Variants in RSRC1 observed in about 807,000 individuals in gnomAD.
The protein encoded by RSRC1 is arginine and serine rich coiled-coil 1.
RSRC1 carries 39 observed loss-of-function variants against 49.1 expected under a neutral mutation model. The observed-to-expected ratio is 0.79, with a 90% CI of 0.61 to 1.04. The LOEUF is 1.04. RSRC1 is among the 50% of genes least tolerant of loss of function. The pLI, the probability that RSRC1 is intolerant of heterozygous loss-of-function variation, is 0.00. For synonymous variants in RSRC1, 143 were observed against 130.8 expected, an observed-to-expected ratio of 1.09 and a Z score of -0.63; for missense variants, 388 against 402.4, an observed-to-expected ratio of 0.96 and a Z score of 0.31.
rs138336070 is a variant in RSRC1 at position 158,289,924 on chromosome 3, TATCC to T, written c.495-8081_495-8078del. ...AAATTTATCTGTCTTTCTATCTTTC[TATCC>T]ATCCATCCATCCATCCATCCATCCA... is the stretch of plus-strand genomic sequence containing the variant. On this transcript the variant is annotated intron_variant, in intron 4 of 9. Coordinates refer to ENST00000611884, the MANE Select transcript of RSRC1 (RefSeq NM_001271838.2). Among the ~76,000 whole-genome samples, 387 of 149,894 alleles carry T rather than the reference TATCC, an allele frequency of 2.6e-3. 4 individuals carry two copies. The East Asian group carries it at 0.032, about 12-fold the overall frequency.
chr3:158,441,272 A>G (rs1736365843), intron 6 of RSRC1, among the ~76,000 whole-genome samples: 1 of 152,090 alleles, frequency 6.6e-6, no homozygotes, highest in South Asian at 2.1e-4. Context: ...TTGTTTAGCA[A>G]TATATTGAGT....
chr3:158,155,007 GT>G lies in RSRC1; in HGVS notation c.320+31022del, dbSNP rs1559921773. On this transcript the variant is annotated intron_variant, in intron 3 of 9. Transcript: ENST00000611884. ...ATCTTCAGGCTCCACTTCTAATTCT[GT>G]TTTTTGTTTTGTTTTGTTTTGTTAT... 4.6e-5 allele frequency among the ~76,000 whole-genome samples: 7 copies of G among 152,190 alleles called. No homozygotes were observed. The South Asian group carries it at 1.5e-3, about 32-fold the overall frequency.
chr3:158,472,441 C>A (rs773122973), intron 7 of RSRC1, among the ~76,000 whole-genome samples: 24 of 151,926 alleles, frequency 1.6e-4, no homozygotes, highest in Non-Finnish European at 3.1e-4. Flanking sequence ...GAAAAAAATA[C>A]AAAATAATAC....
chr3:158,521,509 A>T (rs772078909), intron 7 of RSRC1, among the ~76,000 whole-genome samples: 1 of 152,072 alleles, frequency 6.6e-6, no homozygotes, highest in Non-Finnish European at 1.5e-5. Context: ...CCTCTGCTGA[A>T]ATGCCACCTC....
At chr3:158,510,612 G>A (rs1046050686) in intron 7 of RSRC1, among the ~76,000 whole-genome samples, 12 of 152,050 alleles carry the variant, frequency 7.9e-5, no homozygotes, top group African/African-American at 2.9e-4. Flanking sequence ...CACAGAAAAT[G>A]GGGTACTCAT....
intron 4 of RSRC1, among the ~76,000 whole-genome samples, chr3:158,273,595 G>A (rs1214743119): frequency 6.6e-6 from 1 of 152,050 alleles, no homozygotes. Context: ...ACGAAGTCTA[G>A]CCATTCAGAA....
At chr3:158,488,098 G>C (rs973002072) in intron 7 of RSRC1, among the ~76,000 whole-genome samples, 1 of 151,958 alleles carries the variant, frequency 6.6e-6, no homozygotes, top group African/African-American at 2.4e-5. Flanking sequence ...CAAAAACGTG[G>C]ACACTGACAA....
intron 4 of RSRC1, among the ~76,000 whole-genome samples, chr3:158,291,264 A>G (rs1297811427): frequency 6.6e-6 from 1 of 152,204 alleles, no homozygotes; most frequent in East Asian, 1.9e-4. Flanking sequence ...AGGATAATAC[A>G]TTAGTGATTA....
intron 7 of RSRC1, among the ~76,000 whole-genome samples, chr3:158,530,177 A>C (rs970053015): frequency 1.3e-5 from 2 of 151,994 alleles, no homozygotes; most frequent in Non-Finnish European, 2.9e-5. Context: ...GATTTATATA[A>C]GAATTGTTTA....
chr3:158,471,130 G>A (rs867054947), intron 7 of RSRC1, among the ~76,000 whole-genome samples: 4 of 152,218 alleles, frequency 2.6e-5, no homozygotes, highest in Non-Finnish European at 2.9e-5. Context: ...GTGTTACTGA[G>A]TCTTTTGCCT....
chr3:158,462,084 A>G (rs1737646696), intron 7 of RSRC1, among the ~76,000 whole-genome samples: 1 of 151,516 alleles, frequency 6.6e-6, no homozygotes, highest in Non-Finnish European at 1.5e-5. Context: ...TTGTACACAT[A>G]TAGTATAGTG....
intron 4 of RSRC1, among the ~76,000 whole-genome samples, chr3:158,278,480 G>A (rs1725941760): frequency 6.6e-6 from 1 of 152,020 alleles, no homozygotes; most frequent in South Asian, 2.1e-4. Context: ...AATTTTCATG[G>A]AGGCTAATTC....
At chr3:158,324,680 C>G (rs1470152983) in intron 5 of RSRC1, among the ~76,000 whole-genome samples, 3 of 152,138 alleles carry the variant, frequency 2.0e-5, no homozygotes, top group Non-Finnish European at 4.4e-5. Flanking sequence ...GTGAATAGTG[C>G]CGCAATAAAC....
chr3:158,440,592 A>G (rs187456011), intron 6 of RSRC1, among the ~76,000 whole-genome samples: 81 of 152,230 alleles, frequency 5.3e-4, no homozygotes, highest in Admixed American at 4.0e-3. Context: ...TTGCCCACAC[A>G]TGCACGTGTG....
chr3:158,410,688 C>G (rs1402810898), intron 6 of RSRC1, among the ~76,000 whole-genome samples: 1 of 152,068 alleles, frequency 6.6e-6, no homozygotes, highest in Admixed American at 6.6e-5. Flanking sequence ...TCTTTCAACT[C>G]TTGTAATTTC....
chr3:158,284,787 A>T (rs1266300033), intron 4 of RSRC1, among the ~76,000 whole-genome samples: 1 of 151,118 alleles, frequency 6.6e-6, no homozygotes, highest in African/African-American at 2.4e-5. Flanking sequence ...TAGATTCTGG[A>T]TATTAGCCCT....
intron 3 of RSRC1, among the ~76,000 whole-genome samples, chr3:158,151,696 A>G (rs1717546523): frequency 6.6e-6 from 1 of 152,168 alleles, no homozygotes; most frequent in Admixed American, 6.6e-5. Flanking sequence ...GTGAGAAAAC[A>G]TATATGAACA....
chr3:158,356,323 A>G (rs1455002840), intron 6 of RSRC1, among the ~76,000 whole-genome samples: 1 of 152,104 alleles, frequency 6.6e-6, no homozygotes, highest in African/African-American at 2.4e-5. Flanking sequence ...ACATATGTGC[A>G]TATTGATTAA....
intron 7 of RSRC1, among the ~76,000 whole-genome samples, chr3:158,477,959 A>G (rs1441182112): frequency 2.6e-5 from 4 of 151,012 alleles, no homozygotes; most frequent in African/African-American, 9.7e-5. Flanking sequence ...TTAAAATTCA[A>G]ATTGTTTGAT....
Sources: allele counts gnomAD v4.1 joint callset (sites outside exome capture counted in the v4.1 genomes callset), GRCh38; gene constraint gnomAD v4.1.1; transcripts MANE v1.5; gene names NCBI Gene and HGNC (gene_info 2026-07-23, HGNC 2026-07-21).